NRXN3: variants seen among roughly 807,000 people sequenced by gnomAD.
NRXN3 encodes the protein neurexin 3, also known as neurexin III.
A neutral mutation model predicts 137.6 loss-of-function variants in NRXN3; 32 were observed. That is an observed-to-expected ratio of 0.23 (90% confidence interval 0.18 to 0.31). The LOEUF (loss-of-function observed/expected upper bound fraction) is 0.31, where lower values mean the gene tolerates loss of function less well. Among genes scored for constraint, NRXN3 ranks in the 10% least tolerant of loss-of-function variants. NRXN3 has a pLI of 1.00. For missense variants in NRXN3, 1,574 were observed against 2,062.5 expected, an observed-to-expected ratio of 0.76 and a Z score of 4.59; for synonymous variants, 798 against 784.5, an observed-to-expected ratio of 1.02 and a Z score of -0.29.
chr14:78,587,211 TG>T (rs1043460415), intron 4 of NRXN3, among the ~76,000 whole-genome samples: 1 of 152,234 alleles, frequency 6.6e-6, no homozygotes, highest in Non-Finnish European at 1.5e-5. Flanking sequence ...AAAGAGAATT[TG>T]GCCTCTCCCA....
intron 4 of NRXN3, among the ~76,000 whole-genome samples, chr14:78,572,364 T>C (rs1256260238): frequency 6.6e-6 from 1 of 152,200 alleles, no homozygotes; most frequent in Non-Finnish European, 1.5e-5. Flanking sequence ...TCATAGCCAC[T>C]GGGTAGCCCA....
At chr14:78,557,141 C>G (rs988710418) in intron 4 of NRXN3, among the ~76,000 whole-genome samples, 4 of 150,556 alleles carry the variant, frequency 2.7e-5, no homozygotes, top group Non-Finnish European at 5.9e-5. Context: ...ACTTCCCAGG[C>G]TCAAGAAATC....
At chr14:78,980,819 C>T (rs1302582258) in intron 14 of NRXN3, among the ~76,000 whole-genome samples, 3 of 152,182 alleles carry the variant, frequency 2.0e-5, no homozygotes, top group Non-Finnish European at 4.4e-5. Flanking sequence ...TTTCCAGACA[C>T]ATTTCTGTTG....
At chr14:78,200,603 G>T (rs2061590175) in intron 1 of NRXN3, among the ~76,000 whole-genome samples, 1 of 152,214 alleles carries the variant, frequency 6.6e-6, no homozygotes, top group South Asian at 2.1e-4. Context: ...TGGGGTAAGT[G>T]ATGGTATGGT....
At chr14:79,270,923 T>G (rs966989465) in intron 15 of NRXN3, among the ~76,000 whole-genome samples, 1 of 152,208 alleles carries the variant, frequency 6.6e-6, no homozygotes, top group African/African-American at 2.4e-5. Context: ...TTCCCCATAT[T>G]GCAAAGATTT....
chr14:78,957,506 TAAG>T, intron 11 of NRXN3, 145 bp downstream of exon 11: 5 of 898,086 alleles, frequency 5.6e-6, no homozygotes, highest in South Asian at 1.8e-5. Flanking sequence ...CAGGCAAGGC[TAAG>T]AAGGTCTTCC....
intron 19 of NRXN3, among the ~76,000 whole-genome samples, chr14:79,774,075 G>A (rs1156551534): frequency 6.6e-6 from 1 of 152,136 alleles, no homozygotes; most frequent in Non-Finnish European, 1.5e-5. Flanking sequence ...GTGTTCTAGA[G>A]GATTGGGGAA....
At chr14:78,196,436 G>A (rs1246109490) in intron 1 of NRXN3, among the ~76,000 whole-genome samples, 6 of 152,224 alleles carry the variant, frequency 3.9e-5, no homozygotes, top group Admixed American at 3.9e-4. Flanking sequence ...ATCTCCAAGG[G>A]TACCAGAAAC....
chr14:78,508,477 G>A (rs1236353663), intron 4 of NRXN3, among the ~76,000 whole-genome samples: 1 of 151,992 alleles, frequency 6.6e-6, no homozygotes, highest in Non-Finnish European at 1.5e-5. Context: ...CTCACTTTTT[G>A]AAGTGTTTTT....
At chr14:78,872,171 T>C (rs2099102909) in intron 10 of NRXN3, among the ~76,000 whole-genome samples, 1 of 150,860 alleles carries the variant, frequency 6.6e-6, no homozygotes, top group Non-Finnish European at 1.5e-5. Flanking sequence ...AGGTTTTATT[T>C]TATAAATATC....
intron 15 of NRXN3, among the ~76,000 whole-genome samples, chr14:79,029,208 G>A (rs1215198750): frequency 6.6e-6 from 1 of 152,132 alleles, no homozygotes; most frequent in African/African-American, 2.4e-5. Context: ...ATATGTTTGA[G>A]TTGAGTTTGT....
chr14:78,692,563 A>G (rs144240521), intron 6 of NRXN3, among the ~76,000 whole-genome samples: 2 of 152,188 alleles, frequency 1.3e-5, no homozygotes, highest in Non-Finnish European at 2.9e-5. Flanking sequence ...TGTTTTCTCC[A>G]GACTAATTAG....
At chr14:79,405,433 A>G (rs530586771) in intron 15 of NRXN3, among the ~76,000 whole-genome samples, 2 of 152,192 alleles carry the variant, frequency 1.3e-5, no homozygotes, top group African/African-American at 4.8e-5. Context: ...ATTCTTCTCA[A>G]ACTCATTCTT....
intron 19 of NRXN3, among the ~76,000 whole-genome samples, chr14:79,706,683 C>T (rs2098781179): frequency 6.6e-6 from 1 of 151,988 alleles, no homozygotes; most frequent in South Asian, 2.1e-4. Flanking sequence ...GAGGCCCACT[C>T]CCCCCAGCTG....
chr14:79,582,389 TG>T (rs1473136216), intron 16 of NRXN3, among the ~76,000 whole-genome samples: 2 of 152,158 alleles, frequency 1.3e-5, no homozygotes, highest in Non-Finnish European at 2.9e-5. Flanking sequence ...CTATGTTTTT[TG>T]TTTGGTTTTG....
rs78474889 is a variant in NRXN3, at chr14:79,560,127, G to T, written c.3444+92725G>T. ...ATTAATTTACTATTTGCAACTAACT[G>T]CTTGACATTCTTCTATAACACTTTT... On this transcript the variant is annotated intron_variant, in intron 16 of 20. Transcript: ENST00000335750. Among the ~76,000 whole-genome samples the T allele has an allele frequency of 0.015, 2,281 of 152,190 alleles. 167 individuals are homozygous for T. In the East Asian group the frequency reaches 0.24, roughly 16 times the overall value.
rs2099417090 is a variant in NRXN3 at position 79,864,492 on chromosome 14, C to CTT, written c.*2529_*2530dup. The CTT allele has an allele frequency of 6.6e-6, 1 of 152,532 alleles. No homozygotes were observed. Among genetic ancestry groups the CTT allele is most frequent in the Non-Finnish European group, 1.5e-5 (1 of 68,012 alleles). 9.4% of individuals were successfully genotyped at this position (152,532 alleles called of 1,614,324 possible). Reference sequence around the variant, plus strand: ...CGCACTGAAGCTAATTATGTCATATCTTATTAAAAGCCGAGTAAGAGCTAG... The same window carrying CTT: ...CGCACTGAAGCTAATTATGTCATATCTTTTATTAAAAGCCGAGTAAGAGCTAG... On this transcript the variant is annotated 3_prime_UTR_variant, in exon 21 of 21. Transcript: ENST00000335750.
At chr14:79,038,773 T>G (rs1027939852) in intron 15 of NRXN3, among the ~76,000 whole-genome samples, 3 of 152,162 alleles carry the variant, frequency 2.0e-5, no homozygotes, top group African/African-American at 7.2e-5. Flanking sequence ...AGGAGAGTTT[T>G]CCACTGATGC....
chr14:78,931,074 G>C (rs930387437), intron 10 of NRXN3, among the ~76,000 whole-genome samples: 9 of 152,166 alleles, frequency 5.9e-5, no homozygotes, highest in African/African-American at 2.2e-4. Context: ...TGAATAAGTT[G>C]TGGTCAGGAA....
Sources: allele counts gnomAD v4.1 joint callset (sites outside exome capture counted in the v4.1 genomes callset), GRCh38; gene constraint gnomAD v4.1.1; transcripts MANE v1.5; gene names NCBI Gene and HGNC (gene_info 2026-07-23, HGNC 2026-07-21).